Variants in PRICKLE2 observed in about 807,000 individuals in gnomAD.
The protein encoded by PRICKLE2 is prickle-like protein 2.
PRICKLE2 carries 21 observed loss-of-function variants against 81.4 expected under a neutral mutation model. That is an observed-to-expected ratio of 0.26 (90% CI 0.18 to 0.37). The LOEUF (loss-of-function observed/expected upper bound fraction) is 0.37, where lower values mean the gene tolerates loss of function less well. PRICKLE2 is among the 10% of genes least tolerant of loss of function. The pLI is 1.00. For missense variants in PRICKLE2, 940 were observed against 1,109.0 expected (o/e 0.85, Z 2.16); for synonymous variants, 456 against 421.5 (o/e 1.08, Z -1.00).
In PRICKLE2 at chr3:64,092,522, G is replaced by T. The variant is rs1393649345; in HGVS notation, c.*6529C>A. ...GAATGAATGAATAGATGATATTATA[G>T]CATCCAGCAAGTCCCTAATGTTGTG... On this transcript the variant is annotated 3_prime_UTR_variant, in exon 8 of 8. Transcript: ENST00000638394. The T allele has an allele frequency of 2.0e-5, 3 of 152,156 alleles. No homozygotes were observed. Among genetic ancestry groups the T allele is most frequent in the Non-Finnish European group, 4.4e-5 (3 of 68,036 alleles). 9.4% of individuals were successfully genotyped at this position (152,156 alleles called of 1,614,324 possible).
chr3:64,114,129 A>G (rs1424027943), intron 7 of PRICKLE2, among the ~76,000 whole-genome samples: 1 of 152,096 alleles, frequency 6.6e-6, no homozygotes, highest in Admixed American at 6.5e-5. Context: ...AATCTCCCCA[A>G]AATGAAGCCA....
intron 2 of PRICKLE2, among the ~76,000 whole-genome samples, chr3:64,250,722 T>A (rs983144183): frequency 1.3e-5 from 2 of 152,196 alleles, no homozygotes; most frequent in African/African-American, 4.8e-5. Context: ...ATCCACTGTA[T>A]CACTGTAGTG....
At chr3:64,201,144 T>A (rs1175974660) in intron 1 of PRICKLE2, among the ~76,000 whole-genome samples, 2 of 151,730 alleles carry the variant, frequency 1.3e-5, no homozygotes, top group Non-Finnish European at 2.9e-5. Flanking sequence ...TTAGCCAGGA[T>A]GGTCTTGATC....
At chr3:64,143,220 T>C (rs2077391161) in intron 7 of PRICKLE2, among the ~76,000 whole-genome samples, 2 of 152,238 alleles carry the variant, frequency 1.3e-5, no homozygotes, top group Admixed American at 1.3e-4. Flanking sequence ...AAAATGTGTC[T>C]AGTGCAACTA....
At chr3:64,215,852 T>A (rs184473495) in intron 1 of PRICKLE2, among the ~76,000 whole-genome samples, 137 of 152,374 alleles carry the variant, frequency 9.0e-4, no homozygotes, top group Admixed American at 1.8e-3. Context: ...GTCAAGTATT[T>A]GAAAGAACGC....
At chr3:64,126,695 A>G (rs2077112473) in intron 7 of PRICKLE2, among the ~76,000 whole-genome samples, 1 of 152,122 alleles carries the variant, frequency 6.6e-6, no homozygotes, top group Non-Finnish European at 1.5e-5. Flanking sequence ...CTCCTGCCTC[A>G]GCCTCTTGAG....
rs539531115 is a variant in PRICKLE2 at position 64,247,002 on chromosome 3, G to A, written c.129-48035C>T. Reference sequence around the variant, plus strand: ...GAAATACAGCCTCCATGGTTCAATCGAAGTCCATTTTGTAAAAATCACATA... The same window carrying A: ...GAAATACAGCCTCCATGGTTCAATCAAAGTCCATTTTGTAAAAATCACATA... On this transcript the variant is annotated intron_variant, in intron 2 of 8. Coordinates refer to the PRICKLE2 transcript ENST00000295902. Among the ~76,000 whole-genome samples, 11 of 152,166 alleles carry A rather than the reference G, an allele frequency of 7.2e-5. 1 individual carries two copies. The highest frequency in any genetic ancestry group is 2.1e-4 in the South Asian group (1 of 4,808).
intron 2 of PRICKLE2, among the ~76,000 whole-genome samples, chr3:64,165,328 C>T (rs1346314066): frequency 6.6e-6 from 1 of 152,076 alleles, no homozygotes; most frequent in African/African-American, 2.4e-5. Flanking sequence ...ATCTGGACCC[C>T]GAGTCAAGGC....
intron 1 of PRICKLE2, 122 bp from the exon 2 acceptor site, chr3:64,199,089 G>T: frequency 4.7e-6 from 4 of 855,564 alleles, no homozygotes; most frequent in Non-Finnish European, 7.5e-6. Context: ...ATGGGCATCG[G>T]GCAAAGGCAT....
upstream of PRICKLE2, among the ~76,000 whole-genome samples, chr3:64,227,485 A>G (rs1228325646): frequency 1.3e-5 from 2 of 152,228 alleles, no homozygotes; most frequent in Non-Finnish European, 2.9e-5. Context: ...TTCACAGGTG[A>G]TCAACAATGA....
At chr3:64,159,123 A>C (rs892730419) in intron 4 of PRICKLE2, among the ~76,000 whole-genome samples, 9 of 152,154 alleles carry the variant, frequency 5.9e-5, no homozygotes, top group African/African-American at 2.2e-4. Flanking sequence ...ACTCAACAGG[A>C]GCAGAGGAGA....
chr3:64,150,330 G>T (rs1026483885), intron 6 of PRICKLE2, among the ~76,000 whole-genome samples: 3 of 151,858 alleles, frequency 2.0e-5, no homozygotes, highest in Non-Finnish European at 4.4e-5. Flanking sequence ...TCTTTGTTTT[G>T]GTCTCCCCAT....
intron 2 of PRICKLE2, among the ~76,000 whole-genome samples, chr3:64,196,309 G>A (rs2107110082): frequency 6.6e-6 from 1 of 152,306 alleles, no homozygotes; most frequent in Admixed American, 6.5e-5. Context: ...TTAGCAAGAA[G>A]CAACATCCTT....
intron 2 of PRICKLE2, among the ~76,000 whole-genome samples, chr3:64,164,970 G>C (rs2077803826): frequency 6.6e-6 from 1 of 152,162 alleles, no homozygotes; most frequent in African/African-American, 2.4e-5. Context: ...TCATGTCTTG[G>C]GGAATGGGCT....
At chr3:64,206,440 A>G (rs543417061) in intron 1 of PRICKLE2, among the ~76,000 whole-genome samples, 1 of 152,270 alleles carries the variant, frequency 6.6e-6, no homozygotes, top group South Asian at 2.1e-4. Context: ...CCTTGCCACC[A>G]TGTCTTAACC....
chr3:64,145,252 A>T (rs1057320656), intron 7 of PRICKLE2, among the ~76,000 whole-genome samples: 1 of 147,144 alleles, frequency 6.8e-6, no homozygotes, highest in African/African-American at 2.5e-5. Context: ...AGCATGTGCC[A>T]CCAAGTCCAG....
chr3:64,175,537 G>C (rs180900253), intron 2 of PRICKLE2, among the ~76,000 whole-genome samples: 1 of 152,210 alleles, frequency 6.6e-6, no homozygotes, highest in East Asian at 1.9e-4. Flanking sequence ...TTTTCTTCTT[G>C]AATTTCTTCA....
chr3:64,150,005 C>G (rs1559541323), intron 6 of PRICKLE2, among the ~76,000 whole-genome samples: 1 of 127,180 alleles, frequency 7.9e-6, no homozygotes, highest in Middle Eastern at 5.1e-3. Flanking sequence ...CGGATCAACT[C>G]CATCTCTTAC....
At chr3:64,132,833 G>A (rs752943348) in intron 7 of PRICKLE2, among the ~76,000 whole-genome samples, 6 of 152,174 alleles carry the variant, frequency 3.9e-5, no homozygotes, top group East Asian at 1.9e-4. Flanking sequence ...GGCAGATGCC[G>A]TGTGGGAGGA....
Sources: allele counts gnomAD v4.1 joint callset (sites outside exome capture counted in the v4.1 genomes callset), GRCh38; gene constraint gnomAD v4.1.1; transcripts MANE v1.5; gene names NCBI Gene and HGNC (gene_info 2026-07-23, HGNC 2026-07-21).